Variants in NARS2 observed in about 807,000 individuals in gnomAD.
NARS2 encodes asparaginyl-tRNA synthetase.
In NARS2, 60 loss-of-function variants were observed where a neutral mutation model predicts 62.9. That is an observed-to-expected ratio of 0.95 (90% confidence interval 0.77 to 1.18). The LOEUF is 1.18. Among genes scored for constraint, NARS2 ranks in the 50% most tolerant of loss-of-function variants. NARS2 has a pLI of 0.00. For missense variants in NARS2, 619 were observed against 576.4 expected, an observed-to-expected ratio of 1.07 and a Z score of -0.76; for synonymous variants, 196 against 200.0, an observed-to-expected ratio of 0.98 and a Z score of 0.17.
intron 11 of NARS2, among the ~76,000 whole-genome samples, chr11:78,456,037 T>C (rs1027276652): frequency 2.0e-5 from 3 of 152,206 alleles, no homozygotes; most frequent in Non-Finnish European, 2.9e-5. Flanking sequence ...AAGTAATCTC[T>C]AATCTTACAA....
intron 7 of NARS2, among the ~76,000 whole-genome samples, chr11:78,484,291 A>G (rs1473785829): frequency 1.3e-5 from 2 of 152,190 alleles, no homozygotes; most frequent in African/African-American, 4.8e-5. Context: ...AAAACCCTAG[A>G]AAAAAACGTA....
At chr11:78,488,759 C>G (rs773813884) in intron 7 of NARS2, among the ~76,000 whole-genome samples, 1 of 152,056 alleles carries the variant, frequency 6.6e-6, no homozygotes, top group Admixed American at 6.6e-5. Context: ...AAGTAGAATA[C>G]GGAACAGAAT....
intron 13 of NARS2, among the ~76,000 whole-genome samples, chr11:78,437,974 CAA>C (rs11380903): frequency 1.7e-5 from 2 of 116,646 alleles, no homozygotes. Flanking sequence ...GATTCTGTAT[CAA>C]AAAAAAAAAA....
chr11:78,531,685 T>A (rs1161527550), intron 5 of NARS2, among the ~76,000 whole-genome samples: 1 of 152,262 alleles, frequency 6.6e-6, no homozygotes, highest in Admixed American at 6.5e-5. Flanking sequence ...ATAAGGAATG[T>A]ATATACCTAT....
intron 7 of NARS2, among the ~76,000 whole-genome samples, chr11:78,481,474 T>C (rs1019165166): frequency 6.6e-6 from 1 of 152,174 alleles, no homozygotes; most frequent in African/African-American, 2.4e-5. Context: ...GCCTGCACTG[T>C]TGAGGGACAC....
At chr11:78,479,681 T>C (rs1859265145) in intron 7 of NARS2, among the ~76,000 whole-genome samples, 1 of 152,246 alleles carries the variant, frequency 6.6e-6, no homozygotes. Context: ...GTCTTCTAAA[T>C]GGTGTATTCA....
At chr11:78,462,805 A>T (rs1400659090) in intron 11 of NARS2, among the ~76,000 whole-genome samples, 4 of 152,178 alleles carry the variant, frequency 2.6e-5, no homozygotes, top group Non-Finnish European at 5.9e-5. Flanking sequence ...AAAAAACAGG[A>T]AATACAGTCA....
At chr11:78,516,419 C>T (rs939474500) in intron 6 of NARS2, among the ~76,000 whole-genome samples, 2 of 152,320 alleles carry the variant, frequency 1.3e-5, no homozygotes, top group East Asian at 3.9e-4. Flanking sequence ...AATCACTCTA[C>T]TGATAAGGTT....
intron 5 of NARS2, among the ~76,000 whole-genome samples, chr11:78,532,589 G>A (rs978414512): frequency 3.3e-5 from 5 of 152,126 alleles, no homozygotes; most frequent in African/African-American, 9.7e-5. Context: ...TAGCTCATAC[G>A]GGCAAGTCAC....
intron 13 of NARS2, among the ~76,000 whole-genome samples, chr11:78,438,488 G>C (rs1056407292): frequency 6.6e-6 from 1 of 152,148 alleles, no homozygotes; most frequent in Non-Finnish European, 1.5e-5. Flanking sequence ...ACAAAGTCCA[G>C]CAATAGTTTT....
chr11:78,520,633 A>G (rs571582091), intron 6 of NARS2, among the ~76,000 whole-genome samples: 1 of 152,326 alleles, frequency 6.6e-6, no homozygotes, highest in Non-Finnish European at 1.5e-5. Flanking sequence ...GAATCCTTCC[A>G]TAAATCTAAG....
At chr11:78,443,397 A>G (rs1298571997) in intron 12 of NARS2, among the ~76,000 whole-genome samples, 1 of 152,174 alleles carries the variant, frequency 6.6e-6, no homozygotes, top group Non-Finnish European at 1.5e-5. Flanking sequence ...TCACATTTTA[A>G]CTTTTTAAAA....
At chr11:78,529,139 A>G (rs551151791) in intron 5 of NARS2, among the ~76,000 whole-genome samples, 49 of 152,338 alleles carry the variant, frequency 3.2e-4, no homozygotes, top group Non-Finnish European at 6.0e-4. Context: ...AGTTTGTTCC[A>G]TATTTTCAAA....
At chr11:78,466,149 T>C in intron 10 of NARS2, 136 bp from the exon 11 acceptor site, 2 of 842,244 alleles carry the variant, frequency 2.4e-6, no homozygotes, top group East Asian at 5.3e-5. Context: ...CTGCTAAGGT[T>C]ACACAGCTGA....
chr11:78,507,180 T>G (rs1860535188), intron 6 of NARS2, among the ~76,000 whole-genome samples: 1 of 124,126 alleles, frequency 8.1e-6, no homozygotes, highest in Non-Finnish European at 1.6e-5. Context: ...TGCCCCGGTA[T>G]TATTTAAAGA....
chr11:78,442,623 C>T (rs79338137), intron 12 of NARS2, among the ~76,000 whole-genome samples: 2,784 of 75,504 alleles, frequency 0.037, 93 homozygotes, highest in African/African-American at 0.21. Flanking sequence ...TAAAGTCTTT[C>T]TTTTTTTTTT....
intron 9 of NARS2, among the ~76,000 whole-genome samples, chr11:78,469,823 T>C (rs886116547): frequency 1.3e-5 from 2 of 151,816 alleles, no homozygotes; most frequent in Admixed American, 6.6e-5. Context: ...AATAAACAAG[T>C]AGCTATTCGT....
intron 12 of NARS2, among the ~76,000 whole-genome samples, chr11:78,441,886 A>G (rs1361513590): frequency 1.3e-5 from 2 of 152,196 alleles, no homozygotes; most frequent in East Asian, 1.9e-4. Flanking sequence ...GAGAACTATT[A>G]ATAAAATTTT....
At chr11:78,479,144 G>T (rs746386037) in intron 7 of NARS2, among the ~76,000 whole-genome samples, 1 of 152,000 alleles carries the variant, frequency 6.6e-6, no homozygotes, top group Non-Finnish European at 1.5e-5. Flanking sequence ...TTTGAAAAGT[G>T]GTTCATTCGC....
Sources: gnomAD v4.1 joint callset for allele counts (sites outside exome capture counted in the v4.1 genomes callset) on GRCh38, gnomAD v4.1.1 for gene constraint, MANE v1.5 for transcripts, NCBI Gene and HGNC (gene_info 2026-07-23, HGNC 2026-07-21) for gene names.